ITIH2: variants seen among roughly 807,000 people sequenced by gnomAD.
ITIH2 encodes the protein inter-alpha-trypsin inhibitor heavy chain H2.
A neutral mutation model predicts 104.4 loss-of-function variants in ITIH2; 103 were observed. The ratio of observed to expected loss-of-function variants is 0.99; its 90% CI spans 0.84 to 1.16. The LOEUF (loss-of-function observed/expected upper bound fraction) is 1.16, where lower values mean the gene tolerates loss of function less well. ITIH2 is among the 50% of genes most tolerant of loss of function. The probability of loss-of-function intolerance (pLI) is 0.00; values close to 1 mark genes in which losing one functional copy is unlikely to be tolerated. For synonymous variants in ITIH2, 436 were observed against 435.4 expected (o/e 1.00, Z -0.02); for missense variants, 1,108 against 1,162.4 (o/e 0.95, Z 0.68).
chr10:7,733,135 C>T (rs1003149908), intron 14 of ITIH2, among the ~76,000 whole-genome samples: 28 of 150,310 alleles, frequency 1.9e-4, no homozygotes, highest in Admixed American at 2.0e-4. Flanking sequence ...TCAACACCCA[C>T]CCCCCTCCTC....
intron 1 of ITIH2, 25 bp from the exon 2 acceptor site, chr10:7,705,083 A>AT: frequency 1.4e-6 from 2 of 1,479,862 alleles, no homozygotes; most frequent in Non-Finnish European, 1.9e-6. Flanking sequence ...AAAAAAAAAA[A>AT]GTTAAAATCC....
chr10:7,706,736 G>C (rs752530322), intron 2 of ITIH2, among the ~76,000 whole-genome samples: 1 of 152,136 alleles, frequency 6.6e-6, no homozygotes, highest in Non-Finnish European at 1.5e-5. Flanking sequence ...AATTCTGCTG[G>C]AGCTGAGATC....
At chr10:7,713,038 T>C (rs1834812037) in intron 4 of ITIH2, 143 bp from the exon 5 acceptor site, 1 of 599,078 alleles carries the variant, frequency 1.7e-6, no homozygotes, top group South Asian at 2.2e-5. Flanking sequence ...GAGAATTGCT[T>C]GAACCCAGGA....
intron 9 of ITIH2, among the ~76,000 whole-genome samples, chr10:7,726,342 G>C (rs1306472691): frequency 6.6e-6 from 1 of 152,240 alleles, no homozygotes; most frequent in Non-Finnish European, 1.5e-5. Context: ...CTGGAGCCAT[G>C]ATCTTTAGTC....
chr10:7,745,876 T>C (rs573707281), intron 19 of ITIH2, among the ~76,000 whole-genome samples: 11 of 151,160 alleles, frequency 7.3e-5, no homozygotes, highest in African/African-American at 2.4e-4. Context: ...TCCCTCAGCC[T>C]CCCGAGTAGC....
intron 1 of ITIH2, 37 bp from the exon 2 acceptor site, chr10:7,705,071 T>TAA (rs113278189): frequency 2.1e-4 from 227 of 1,089,858 alleles, no homozygotes; most frequent in African/African-American, 3.3e-4. Flanking sequence ...ACAGTATAAT[T>TAA]AAAAAAAAAA....
At chr10:7,721,920 C>CAAAGAA in intron 8 of ITIH2, 143 bp downstream of exon 8, 1 of 780,378 alleles carries the variant, frequency 1.3e-6, no homozygotes, top group Non-Finnish European at 2.1e-6. Flanking sequence ...AAATCATATT[C>CAAAGAA]TTTGAATATA....
rs189967109 is a variant in ITIH2, at chr10:7,739,287, T to C, written c.2095+529T>C. On this transcript the variant is annotated intron_variant, in intron 16 of 20. Transcript: ENST00000358415. ...GCTGCTGGCAGTTAGCTAGTTCATC[T>C]AGAAAACCTGTGTGCAGCTTTTCTT... Among the ~76,000 whole-genome samples the C allele has an allele frequency of 2.8e-3, 432 of 152,364 alleles. 3 individuals are homozygous for C. Among genetic ancestry groups the C allele is most frequent in the African/African-American group, 9.7e-3 (404 of 41,582 alleles).
At position 7,735,041 on chromosome 10, in the gene ITIH2, A is replaced by C; in HGVS notation, c.1907A>C (p.Asp636Ala). The C allele has an allele frequency of 6.2e-7, 1 of 1,613,120 alleles. No individual in the cohort carries two copies. The highest frequency in any genetic ancestry group is 2.2e-5 in the East Asian group (1 of 44,884). ...CTGGTGATCGAGAACGAGGCTGGGGATGAGCGCATGCTGGCGGATGCCCCA... is the reference window on the plus strand; with the variant it reads ...CTGGTGATCGAGAACGAGGCTGGGGCTGAGCGCATGCTGGCGGATGCCCCA... ...TSLVIENEAGDERMLADAPPQ... is the reference protein window; with the variant it reads ...TSLVIENEAGAERMLADAPPQ... The change falls in exon 15 of 21, where the codon GAT becomes GCT. Residue 636 changes from aspartate (D) to alanine (A), a missense_variant. Transcript: ENST00000358415.
Position 7,705,049 on chromosome 10 carries a change from AC to A in ITIH2, c.85-55del, listed in dbSNP as rs1834732777. 15 of 1,115,948 alleles carry A rather than the reference AC, an allele frequency of 1.3e-5. No homozygotes were observed. In the Admixed American group the frequency reaches 3.0e-4, roughly 22 times the overall value. 69.1% of individuals were successfully genotyped at this position (1,115,948 alleles called of 1,614,324 possible). On this transcript the variant is annotated intron_variant, in intron 1 of 20. Transcript: ENST00000358415. ...ACAAATCTGCACGTTGTGCACATGT[AC>A]CCCAGAACTTACAGTATAATTAAAA...
intron 9 of ITIH2, 101 bp downstream of exon 9, chr10:7,723,668 G>A (rs1487122638): frequency 7.6e-6 from 6 of 790,056 alleles, no homozygotes; most frequent in Admixed American, 5.9e-5. Context: ...GCTTAGGGCT[G>A]AAGCTCAGGG....
intron 5 of ITIH2, among the ~76,000 whole-genome samples, chr10:7,716,067 C>T (rs887742893): frequency 6.6e-6 from 1 of 151,360 alleles, no homozygotes; most frequent in East Asian, 1.9e-4. Context: ...TCACTGCAAC[C>T]TCCACCTCCC....
At chr10:7,707,913 G>A (rs1208398336) in intron 3 of ITIH2, among the ~76,000 whole-genome samples, 1 of 152,164 alleles carries the variant, frequency 6.6e-6, no homozygotes, top group Non-Finnish European at 1.5e-5. Flanking sequence ...AAATAAAAGA[G>A]TGCCCGTGGA....
intron 9 of ITIH2, among the ~76,000 whole-genome samples, chr10:7,724,868 A>T (rs1564302151): frequency 6.6e-6 from 1 of 152,162 alleles, no homozygotes; most frequent in East Asian, 1.9e-4. Flanking sequence ...GCTGGGGGGA[A>T]TAATTGCCTC....
intron 5 of ITIH2, among the ~76,000 whole-genome samples, chr10:7,714,839 AAG>A (rs1834832965): frequency 6.6e-6 from 1 of 152,180 alleles, no homozygotes; most frequent in Non-Finnish European, 1.5e-5. Flanking sequence ...AGCTGAGCCC[AAG>A]TAGATTACAG....
intron 6 of ITIH2, 58 bp from the exon 7 acceptor site, chr10:7,720,798 G>C (rs1178546606): frequency 9.2e-7 from 1 of 1,091,634 alleles, no homozygotes; most frequent in Non-Finnish European, 1.4e-6. Context: ...TTTACTTCTT[G>C]CTTAAAAAGA....
In ITIH2 at chr10:7,744,078, G is replaced by A. The variant is rs1041144202; in HGVS notation, c.2210-4G>A. 1 of 1,610,200 alleles carries A rather than the reference G, an allele frequency of 6.2e-7. No individual in the cohort carries two copies. On this transcript the variant is annotated splice_region_variant and splice_polypyrimidine_tract_variant and intron_variant, in intron 17 of 20. Coordinates refer to ENST00000358415, the MANE Select transcript of ITIH2 (RefSeq NM_002216.3). ...AGAAAACATCATTTTTTTCTTTCCT[G>A]TAGGAATTGTAGTCAACGGTCAGCT...
rs1253146163 is a variant in ITIH2 at position 7,723,516 on chromosome 10, C to T, written c.933C>T (p.Ile311=). The change falls in exon 9 of 21, where the codon ATC becomes ATT. Residue 311 remains isoleucine (I), a synonymous_variant. Transcript: ENST00000358415. ...ACCTGGACCCAATTCCCAAAAACAT[C>T]CTCTTTGTCATCGATGTGAGTGGCT... ...PDNLDPIPKN[I]LFVIDVSGSM... 1.2e-6 allele frequency: 2 copies of T among 1,613,926 alleles called. No individual in the cohort carries two copies. The highest frequency in any genetic ancestry group is 1.7e-5 in the Admixed American group (1 of 60,004).
intron 12 of ITIH2, among the ~76,000 whole-genome samples, chr10:7,731,556 C>T (rs530186961): frequency 4.1e-4 from 63 of 151,970 alleles, no homozygotes; most frequent in Non-Finnish European, 7.2e-4. Context: ...GAAAACCCGT[C>T]TCTACTAAAA....
Sources: allele counts gnomAD v4.1 joint callset (sites outside exome capture counted in the v4.1 genomes callset), GRCh38; gene constraint gnomAD v4.1.1; transcripts MANE v1.5; gene names NCBI Gene and HGNC (gene_info 2026-07-23, HGNC 2026-07-21).